BDP1: variants seen among roughly 807,000 people sequenced by gnomAD.
BDP1 encodes the protein transcription factor TFIIIB component B'' homolog.
In BDP1, 169 loss-of-function variants were observed where a neutral mutation model predicts 266.6. That is an observed-to-expected ratio of 0.63 (90% CI 0.56 to 0.72). BDP1 has a LOEUF of 0.72. BDP1 is among the 30% of genes least tolerant of loss of function. The pLI, the probability that BDP1 is intolerant of heterozygous loss-of-function variation, is 0.00. For missense variants in BDP1, 3,015 were observed against 3,053.8 expected (o/e 0.99, Z 0.30); for synonymous variants, 1,090 against 1,022.4 (o/e 1.07, Z -1.26).
chr5:71,545,003 G>T (rs1478920067), intron 31 of BDP1, 36 bp from the exon 32 acceptor site: 3 of 1,592,540 alleles, frequency 1.9e-6, no homozygotes, highest in Non-Finnish European at 2.6e-6. Flanking sequence ...TGATTTGCCT[G>T]ATTTCAAATG....
intron 13 of BDP1, 133 bp downstream of exon 13, chr5:71,497,559 C>T (rs900064724): frequency 7.6e-6 from 5 of 658,590 alleles, no homozygotes; most frequent in Non-Finnish European, 1.3e-5. Context: ...CTTACATTAA[C>T]ATTAGATTTG....
chr5:71,495,424 G>T lies in BDP1; in HGVS notation c.1799+16G>T. The T allele has an allele frequency of 1.3e-6, 2 of 1,515,998 alleles. No homozygotes were observed. The highest frequency in any genetic ancestry group is 2.3e-5 in the East Asian group (1 of 43,472). The allele number at this position is 1,515,998 out of a possible 1,614,324, so 93.9% of individuals were successfully genotyped here. On this transcript the variant is annotated intron_variant, in intron 12 of 38. Coordinates refer to ENST00000358731, the MANE Select transcript of BDP1 (RefSeq NM_018429.3). ...ATAATTCACTGTAAGTATTTTATAC[G>T]ATAGGATTTATTTATAAAATTTTGA...
chr5:71,538,361 G>T (rs1175862402), intron 26 of BDP1, among the ~76,000 whole-genome samples: 1 of 152,146 alleles, frequency 6.6e-6, no homozygotes, highest in Non-Finnish European at 1.5e-5. Flanking sequence ...GTATTTTTGG[G>T]TGCAGCAGTT....
chr5:71,495,192 TTATAAAA>T (rs2150421229), intron 11 of BDP1, 51 bp from the exon 12 acceptor site: 1 of 1,070,324 alleles, frequency 9.3e-7, no homozygotes, highest in East Asian at 2.9e-5. Flanking sequence ...TTAAAAATAA[TTATAAAA>T]TATATATCAT....
At chr5:71,515,627 T>A (rs1441503822) in intron 20 of BDP1, among the ~76,000 whole-genome samples, 1 of 152,204 alleles carries the variant, frequency 6.6e-6, no homozygotes, top group Non-Finnish European at 1.5e-5. Flanking sequence ...CTTTTAAAAA[T>A]TAGTATACAC....
downstream of BDP1, among the ~76,000 whole-genome samples, chr5:71,569,932 T>G (rs941109673): frequency 1.3e-5 from 2 of 152,160 alleles, no homozygotes; most frequent in East Asian, 3.8e-4. Context: ...GTGAATCAAA[T>G]GGAAATGTAG....
In BDP1 at chr5:71,522,350, G is replaced by C. The variant is rs200843292; in HGVS notation, c.5053G>C (p.Ala1685Pro). ...AATGACAAGAAGGAAATTCCAAAAG[G>C]CTAAGCCAAATTTGGGAAGAGCACA... ...AQMTRRKFQKAKPNLGRAHSK... is the reference protein window; with the variant it reads ...AQMTRRKFQKPKPNLGRAHSK... Residue 1685 changes from alanine (A) to proline (P), a missense_variant, in exon 23 of 39, where the codon GCT (alanine) becomes CCT (proline). Ala to Pro is a conservative substitution (Grantham distance 27, BLOSUM62 -1). Transcript: ENST00000358731. The C allele has an allele frequency of 1.5e-4, 242 of 1,613,852 alleles. No individual in the cohort carries two copies. Among genetic ancestry groups the C allele is most frequent in the Admixed American group, 1.8e-4 (11 of 59,994 alleles).
intron 7 of BDP1, among the ~76,000 whole-genome samples, chr5:71,474,782 G>C (rs923289446): frequency 6.6e-6 from 1 of 151,626 alleles, no homozygotes; most frequent in Non-Finnish European, 1.5e-5. Flanking sequence ...GGGAGGGAGA[G>C]GTTGCAGTGA....
chr5:71,577,618 C>T, the BDP1 span, among the ~76,000 whole-genome samples: 10 of 152,268 alleles, frequency 6.6e-5, no homozygotes, highest in Middle Eastern at 3.4e-3. Context: ...CTTTCACATC[C>T]GACATCACCT....
intron 32 of BDP1, among the ~76,000 whole-genome samples, chr5:71,546,749 G>T (rs1179011319): frequency 1.3e-5 from 2 of 150,858 alleles, no homozygotes; most frequent in South Asian, 2.1e-4. Flanking sequence ...CAGTACTGTT[G>T]TCACACTCAG....
intron 16 of BDP1, among the ~76,000 whole-genome samples, chr5:71,505,586 C>T (rs1189235585): frequency 6.6e-6 from 1 of 152,146 alleles, no homozygotes; most frequent in African/African-American, 2.4e-5. Context: ...TTAATGTGCG[C>T]AAAAGTGCAG....
Position 71,510,509 on chromosome 5 carries a change from G to A in BDP1, c.3417G>A (p.Glu1139=). The change falls in exon 17 of 39, where the codon GAG becomes GAA. Residue 1139 remains glutamate (E), a synonymous_variant. Transcript: ENST00000358731. ...EKTPEVIDAT[E]EIDKDLEETG... is the part of the protein sequence containing the mutation. ...CACCAGAGGTGATTGATGCCACTGAGGAAATAGACAAAGATCTGGAAGAAA... is the reference window on the plus strand; with the variant it reads ...CACCAGAGGTGATTGATGCCACTGAAGAAATAGACAAAGATCTGGAAGAAA... The A allele has an allele frequency of 6.2e-7, 1 of 1,613,738 alleles. No homozygotes were observed. Among genetic ancestry groups the A allele is most frequent in the African/African-American group, 1.3e-5 (1 of 74,926 alleles).
intron 9 of BDP1, among the ~76,000 whole-genome samples, chr5:71,487,856 C>T (rs191391179): frequency 1.3e-5 from 2 of 152,298 alleles, no homozygotes. Flanking sequence ...CTTCCCAGAA[C>T]CAAATTCTGA....
chr5:71,458,609 T>C lies in BDP1; in HGVS notation c.243T>C (p.Val81=). 6.2e-7 allele frequency: 1 copy of C among 1,613,282 alleles called. No individual in the cohort carries two copies. Among genetic ancestry groups the C allele is most frequent in the Non-Finnish European group, 8.5e-7 (1 of 1,179,448 alleles). ...AAAAGACTGGTGGTGACAATGATGT[T>C]GAAGAATCCAGTAGATCTTCCTCTA... ...STEKTGGDND[V]EESSRSSSTV... The change falls in exon 2 of 39, where the codon GTT becomes GTC. Residue 81 remains valine, a synonymous_variant. Coordinates refer to ENST00000358731, the MANE Select transcript of BDP1 (RefSeq NM_018429.3).
chr5:71,548,132 CA>C (rs1221840965), intron 32 of BDP1, among the ~76,000 whole-genome samples: 1 of 151,404 alleles, frequency 6.6e-6, no homozygotes, highest in Admixed American at 6.6e-5. Flanking sequence ...TTGAAAAATA[CA>C]AAAAAATTAG....
chr5:71,463,932 T>G (rs1390201867), intron 3 of BDP1, 126 bp from the exon 4 acceptor site: 20 of 595,380 alleles, frequency 3.4e-5, no homozygotes, highest in South Asian at 2.5e-4. Flanking sequence ...TGTACTGTCA[T>G]TAACGAAATG....
At chr5:71,562,741 A>G (rs2112117020) in intron 38 of BDP1, 1 of 1,449,842 alleles carries the variant, frequency 6.9e-7, no homozygotes, top group Admixed American at 2.1e-5. Flanking sequence ...AACTAACCAT[A>G]AATGGACACT....
intron 7 of BDP1, among the ~76,000 whole-genome samples, chr5:71,481,128 C>A (rs929803891): frequency 2.1e-4 from 32 of 151,360 alleles, no homozygotes; most frequent in African/African-American, 7.8e-4. Context: ...GAGCTGAGAT[C>A]GCGCCACTGC....
In BDP1 at chr5:71,494,173, A is replaced by G. The variant is rs112824988; in HGVS notation, c.1641-1077A>G. On this transcript the variant is annotated intron_variant, in intron 11 of 38. Coordinates refer to ENST00000358731, the MANE Select transcript of BDP1 (RefSeq NM_018429.3). ...TCGGGAGATTTTATGTGTAATATCT[A>G]GACAATAAAAATATATAGAGAACTC... is the stretch of plus-strand genomic sequence containing the variant. 2.2e-3 allele frequency among the ~76,000 whole-genome samples: 331 copies of G among 152,360 alleles called. 1 individual carries two copies. The highest frequency in any genetic ancestry group is 6.6e-3 in the African/African-American group (273 of 41,584).
Sources: gnomAD v4.1 joint callset for allele counts (sites outside exome capture counted in the v4.1 genomes callset) on GRCh38, gnomAD v4.1.1 for gene constraint, MANE v1.5 for transcripts, NCBI Gene and HGNC (gene_info 2026-07-23, HGNC 2026-07-21) for gene names.